The following ELOB variants were observed in gnomAD, a reference collection of about 807,000 sequenced individuals.
ELOB encodes elongin-B.
Under a neutral mutation model 12.9 loss-of-function variants are expected in ELOB, and 3 were observed. The ratio of observed to expected loss-of-function variants is 0.23; its 90% CI spans 0.11 to 0.60. The LOEUF (loss-of-function observed/expected upper bound fraction) is 0.60, where lower values mean the gene tolerates loss of function less well. ELOB is among the 20% of genes least tolerant of loss of function. The probability of loss-of-function intolerance (pLI) is 0.89; values close to 1 mark genes in which losing one functional copy is unlikely to be tolerated. For missense variants in ELOB, 126 were observed against 159.2 expected (o/e 0.79, Z 1.12); for synonymous variants, 84 against 67.4 (o/e 1.25, Z -1.21).
At chr16:2,776,614 T>C (rs964813422) in intron 2 of ELOB, among the ~76,000 whole-genome samples, 2 of 152,182 alleles carry the variant, frequency 1.3e-5, no homozygotes, top group African/African-American at 4.8e-5. Context: ...GTGATTCCGA[T>C]GGGCCTGCGA....
chr16:2,772,198 T>C lies in ELOB; in HGVS notation c.245-96A>G, dbSNP rs1323150807. 4 of 1,391,432 alleles carry C rather than the reference T, an allele frequency of 2.9e-6. No homozygotes were observed. The African/African-American group carries it at 4.4e-5, about 15-fold the overall frequency. 86.2% of individuals were successfully genotyped at this position (1,391,432 alleles called of 1,614,324 possible). On this transcript the variant is annotated intron_variant, in intron 3 of 3. Coordinates refer to ENST00000409906, the MANE Select transcript of ELOB (RefSeq NM_007108.4). The stretch of plus-strand genomic sequence containing the variant: ...GTGTGATCATCTGCAGCTTTGGGGA[T>C]CTCCATGCGAACGCCCCTCCACACG...
Position 2,777,062 on chromosome 16 carries a change from C to T in ELOB, c.69G>A (p.Thr23=). The part of the protein sequence containing the change: ...TIFTDAKESS[T]VFELKRIVEG... ...CGACGATGCGCTTCAGTTCGAACAC[C>T]GTGCTGGACTCCTTGGCGTCCGTGA... Residue 23 remains threonine (T), a synonymous_variant, in exon 2 of 4, where the codon ACG becomes ACA. Transcript: ENST00000409906. 2 of 1,605,386 alleles carry T rather than the reference C, an allele frequency of 1.2e-6. No individual in the cohort carries two copies. The highest frequency in any genetic ancestry group is 1.7e-5 in the Admixed American group (1 of 59,786).
Position 2,772,099 on chromosome 16 carries a change from T to C in ELOB, c.248A>G (p.Asp83Gly), listed in dbSNP as rs1248445822. The C allele has an allele frequency of 1.2e-6, 2 of 1,604,518 alleles. No homozygotes were observed. The highest frequency in any genetic ancestry group is 1.1e-5 in the South Asian group (1 of 90,252). Residue 83 changes from aspartate to glycine, a missense_variant, in exon 4 of 4, where the codon GAC becomes GGC. Physicochemically the swap from Asp to Gly is moderately conservative, Grantham distance 94 (BLOSUM62 -1). Coordinates refer to ENST00000409906, the MANE Select transcript of ELOB (RefSeq NM_007108.4). ...ATVGLAFRAD[D>G]TFEALCIEPF... ...CTCGATGCACAGGGCCTCAAAGGTG[T>C]CATCTGTGGAGGAAGCAGCAGAGCT... is the stretch of plus-strand genomic sequence containing the variant.
rs75028454 is a variant in ELOB, at chr16:2,775,767, C to T, written c.139-211G>A. ...CCTCCCAGGGTGGGACTTTAGAATCCGGTTTTATCCAAATTCTCCAGGCAA... is the reference window on the plus strand; with the variant it reads ...CCTCCCAGGGTGGGACTTTAGAATCTGGTTTTATCCAAATTCTCCAGGCAA... On this transcript the variant is annotated intron_variant, in intron 2 of 3. Transcript: ENST00000409906. The T allele has an allele frequency of 3.0e-3, 1,339 of 452,080 alleles. 40 individuals carry two copies. In the East Asian group the frequency reaches 0.048, roughly 16 times the overall value. The allele number at this position is 452,080 out of a possible 1,614,324, so 28.0% of individuals were successfully genotyped here.
intron 3 of ELOB, among the ~76,000 whole-genome samples, chr16:2,774,295 C>T (rs2068786508): frequency 6.6e-6 from 1 of 152,230 alleles, no homozygotes; most frequent in Admixed American, 6.5e-5. Context: ...CAGCCCTGCA[C>T]CTGACTCTTA....
chr16:2,772,277 C>A, intron 3 of ELOB, 175 bp from the exon 4 acceptor site: 1 of 717,076 alleles, frequency 1.4e-6, no homozygotes, highest in Non-Finnish European at 2.1e-6. Context: ...CGTGGCCCCA[C>A]GGTAATGTCT....
chr16:2,771,415 G>A lies in ELOB; in HGVS notation c.*575C>T. 1.2e-6 allele frequency: 2 copies of A among 1,612,200 alleles called. No homozygotes were observed. ...AATAAAAATGAGAAATGCAGGAACT[G>A]GGTCTGTAGACTGTTTATTAAAGGT... On this transcript the variant is annotated 3_prime_UTR_variant, in exon 4 of 4. Coordinates refer to ENST00000409906, the MANE Select transcript of ELOB (RefSeq NM_007108.4).
chr16:2,775,018 A>T (rs984313848), intron 3 of ELOB, among the ~76,000 whole-genome samples: 14 of 152,142 alleles, frequency 9.2e-5, no homozygotes, highest in African/African-American at 3.4e-4. Context: ...GACTCCAGCA[A>T]GGGCCCGGCA....
rs146145908 is a variant in ELOB, at chr16:2,775,499, T to C, written c.196A>G (p.Thr66Ala). ...TLGECGFTSQ[T>A]ARPQAPATVG... The stretch of plus-strand genomic sequence containing the variant: ...GTGGCTGGGGCCTGTGGCCGTGCTG[T>C]TTGACTGGTGAAGCCACACTCGCCC... Residue 66 changes from threonine to alanine, a missense_variant, in exon 3 of 4, where the codon ACA becomes GCA. Coordinates refer to ENST00000409906, the MANE Select transcript of ELOB (RefSeq NM_007108.4). 3.1e-6 allele frequency: 5 copies of C among 1,608,302 alleles called. No individual in the cohort carries two copies. Among genetic ancestry groups the C allele is most frequent in the South Asian group, 1.1e-5 (1 of 90,992 alleles).
intron 2 of ELOB, among the ~76,000 whole-genome samples, chr16:2,775,896 G>A (rs2068796975): frequency 6.6e-6 from 1 of 152,084 alleles, no homozygotes; most frequent in Admixed American, 6.6e-5. Flanking sequence ...TTTTATTTTA[G>A]AGACAGGGTC....
Position 2,775,521 on chromosome 16 carries a change from G to A in ELOB, c.174C>T (p.Gly58=), listed in dbSNP as rs2068794097. ...DQLLDDGKTL[G]ECGFTSQTAR... is the part of the protein sequence containing the mutation. The stretch of plus-strand genomic sequence containing the variant: ...CTGTTTGACTGGTGAAGCCACACTC[G>A]CCCAGTGTCTTGCCATCATCCAAGA... Residue 58 remains glycine (G), a synonymous_variant, in exon 3 of 4, where the codon GGC becomes GGT. Transcript: ENST00000409906. The A allele has an allele frequency of 1.9e-6, 3 of 1,609,202 alleles. No homozygotes were observed. Among genetic ancestry groups the A allele is most frequent in the Admixed American group, 1.7e-5 (1 of 59,926 alleles).
intron 2 of ELOB, among the ~76,000 whole-genome samples, chr16:2,776,780 G>C (rs1307811499): frequency 6.6e-6 from 1 of 152,144 alleles, no homozygotes; most frequent in African/African-American, 2.4e-5. Context: ...CGGCGCCCGG[G>C]GCCCGGCACG....
rs138264981 is a variant in ELOB, at chr16:2,775,153, C to G, written c.244+298G>C. On this transcript the variant is annotated intron_variant, in intron 3 of 3. Transcript: ENST00000409906. ...AGAGGATGAGACAGGGCAGTGGAAGCCACACACAGAGTAACATGCAGAGCA... is the reference window on the plus strand; with the variant it reads ...AGAGGATGAGACAGGGCAGTGGAAGGCACACACAGAGTAACATGCAGAGCA... 3.2e-3 allele frequency among the ~76,000 whole-genome samples: 487 copies of G among 151,586 alleles called. 1 individual carries two copies. Among genetic ancestry groups the G allele is most frequent in the Admixed American group, 5.5e-3 (83 of 15,210 alleles).
At chr16:2,775,343 G>A (rs1160639783) in intron 3 of ELOB, 108 bp downstream of exon 3, 3 of 621,040 alleles carry the variant, frequency 4.8e-6, no homozygotes, top group Non-Finnish European at 7.8e-6. Context: ...GCACGAGGAA[G>A]ACACTGCCCT....
At chr16:2,774,690 C>T (rs1456599904) in intron 3 of ELOB, among the ~76,000 whole-genome samples, 3 of 152,252 alleles carry the variant, frequency 2.0e-5, no homozygotes, top group Non-Finnish European at 4.4e-5. Flanking sequence ...GAAAACACAG[C>T]TCTATAACCT....
In ELOB at chr16:2,771,614, T is replaced by G. The variant is rs1567254716; in HGVS notation, c.*376A>C. ...GGAGTGGACATGCAGGCTATGGGGG[T>G]GGGGGGCACTTAGAAGGAGAAAGGC... On this transcript the variant is annotated 3_prime_UTR_variant, in exon 4 of 4. Transcript: ENST00000409906. 1 of 1,611,786 alleles carries G rather than the reference T, an allele frequency of 6.2e-7. No homozygotes were observed. Among genetic ancestry groups the G allele is most frequent in the Admixed American group, 1.7e-5 (1 of 59,828 alleles).
intron 3 of ELOB, among the ~76,000 whole-genome samples, 176 bp downstream of exon 3, chr16:2,775,275 T>A (rs3094776): frequency 0.8 from 120,525 of 150,422 alleles, 48,571 homozygotes; most frequent in Admixed American, 0.85. Flanking sequence ...GCTTCTTTTT[T>A]AAAAAAAAAA....
intron 3 of ELOB, 163 bp from the exon 4 acceptor site, chr16:2,772,265 C>T (rs1567255727): frequency 1.2e-6 from 1 of 804,110 alleles, no homozygotes; most frequent in Non-Finnish European, 1.8e-6. Flanking sequence ...TCCAGCTACC[C>T]CCGTGGCCCC....
chr16:2,776,493 G>A (rs1019324120), intron 2 of ELOB, among the ~76,000 whole-genome samples: 3 of 152,228 alleles, frequency 2.0e-5, no homozygotes, highest in Non-Finnish European at 2.9e-5. Context: ...TCAGCAGGAG[G>A]TCGGGAGGTA....
Sources: allele counts gnomAD v4.1 joint callset (sites outside exome capture counted in the v4.1 genomes callset), GRCh38; gene constraint gnomAD v4.1.1; transcripts MANE v1.5; gene names NCBI Gene and HGNC (gene_info 2026-07-23, HGNC 2026-07-21).